The following MYT1L variants were observed in gnomAD, a reference collection of about 807,000 sequenced individuals.
MYT1L encodes the protein myelin transcription factor 1 like, also known as myelin transcription factor 1-like protein.
A neutral mutation model predicts 126.7 loss-of-function variants in MYT1L; 12 were observed. The observed-to-expected ratio is 0.09, with a 90% confidence interval of 0.06 to 0.15. The LOEUF is 0.15. MYT1L is among the 10% of genes least tolerant of loss of function. The pLI, the probability that MYT1L is intolerant of heterozygous loss-of-function variation, is 1.00. For synonymous variants in MYT1L, 541 were observed against 604.2 expected (o/e 0.90, Z 1.53); for missense variants, 979 against 1,585.2 (o/e 0.62, Z 6.49).
chr2:2,284,952 G>A (rs912076072), intron 1 of MYT1L, among the ~76,000 whole-genome samples: 9 of 152,094 alleles, frequency 5.9e-5, no homozygotes, highest in South Asian at 2.1e-4. Context: ...TCCTGACCTC[G>A]GGATCCGCCC....
chr2:1,827,586 T>A (rs1223707410), intron 21 of MYT1L: 1 of 152,168 alleles, frequency 6.6e-6, no homozygotes, highest in African/African-American at 2.4e-5. Context: ...GGGCTCTGTC[T>A]ACGGCAGGGA....
chr2:2,214,780 G>A (rs1369034044), intron 2 of MYT1L, among the ~76,000 whole-genome samples: 2 of 152,118 alleles, frequency 1.3e-5, no homozygotes, highest in Non-Finnish European at 2.9e-5. Context: ...CGGTAACAAA[G>A]AATATCAGAG....
chr2:2,006,035 C>A (rs1383421255), intron 4 of MYT1L, among the ~76,000 whole-genome samples: 2 of 150,084 alleles, frequency 1.3e-5, no homozygotes, highest in South Asian at 2.1e-4. Context: ...TTCTTTCCTG[C>A]AGGTGTTCTT....
chr2:2,122,083 G>T (rs776912239), intron 3 of MYT1L, among the ~76,000 whole-genome samples: 1 of 152,174 alleles, frequency 6.6e-6, no homozygotes, highest in Non-Finnish European at 1.5e-5. Context: ...TGATGTGCAC[G>T]TGGACCTGAT....
At chr2:1,980,686 C>T (rs755386925) in intron 5 of MYT1L, among the ~76,000 whole-genome samples, 1 of 152,104 alleles carries the variant, frequency 6.6e-6, no homozygotes, top group Non-Finnish European at 1.5e-5. Flanking sequence ...ACCTGAGTTA[C>T]CCAAGATGGT....
At chr2:2,021,052 G>C (rs1164887125) in intron 4 of MYT1L, among the ~76,000 whole-genome samples, 1 of 152,220 alleles carries the variant, frequency 6.6e-6, no homozygotes, top group Non-Finnish European at 1.5e-5. Context: ...GCAGACACCT[G>C]AGAAGAGAAC....
At chr2:2,037,254 C>A (rs1449034184) in intron 4 of MYT1L, among the ~76,000 whole-genome samples, 4 of 152,152 alleles carry the variant, frequency 2.6e-5, no homozygotes, top group East Asian at 1.9e-4. Context: ...TTCTGCCAAC[C>A]TTTCTAAGTT....
chr2:2,161,633 A>G (rs1027814617), intron 3 of MYT1L, among the ~76,000 whole-genome samples: 1 of 152,200 alleles, frequency 6.6e-6, no homozygotes, highest in Non-Finnish European at 1.5e-5. Flanking sequence ...TCAGTTGACA[A>G]AATTAAATGA....
intron 9 of MYT1L, among the ~76,000 whole-genome samples, chr2:1,942,743 A>G (rs185036979): frequency 6.6e-6 from 1 of 152,346 alleles, no homozygotes; most frequent in East Asian, 1.9e-4. Context: ...ATATCTCAGT[A>G]AATTACTGAC....
At chr2:2,157,309 AGTTT>A (rs995066756) in intron 3 of MYT1L, among the ~76,000 whole-genome samples, 7 of 152,348 alleles carry the variant, frequency 4.6e-5, no homozygotes, top group African/African-American at 1.2e-4. Flanking sequence ...TTGCTTCATT[AGTTT>A]AACAATGACA....
intron 14 of MYT1L, among the ~76,000 whole-genome samples, chr2:1,893,274 T>G (rs1049567815): frequency 1.3e-5 from 2 of 152,256 alleles, no homozygotes; most frequent in African/African-American, 4.8e-5. Flanking sequence ...TGCCAGTTAA[T>G]GTCACAGGAC....
At chr2:1,898,233 A>G (rs2049878941) in intron 14 of MYT1L, among the ~76,000 whole-genome samples, 1 of 152,208 alleles carries the variant, frequency 6.6e-6, no homozygotes, top group Non-Finnish European at 1.5e-5. Context: ...CAATCACAAG[A>G]TGTCCATCAT....
chr2:2,204,221 A>T (rs953437118), intron 2 of MYT1L, among the ~76,000 whole-genome samples: 2 of 152,224 alleles, frequency 1.3e-5, no homozygotes, highest in African/African-American at 4.8e-5. Context: ...CATGTCTAAA[A>T]CACCAAAAGC....
chr2:2,016,025 C>T (rs1056289489), intron 4 of MYT1L, among the ~76,000 whole-genome samples: 7 of 152,222 alleles, frequency 4.6e-5, no homozygotes, highest in African/African-American at 7.2e-5. Flanking sequence ...ACACACCATC[C>T]ACTGTTTTCT....
chr2:2,244,159 C>A (rs1013851150), intron 2 of MYT1L, among the ~76,000 whole-genome samples: 1 of 152,168 alleles, frequency 6.6e-6, no homozygotes, highest in African/African-American at 2.4e-5. Context: ...ACTACACACA[C>A]CTGCTTTTAT....
At chr2:2,143,353 G>C (rs1296258125) in intron 3 of MYT1L, among the ~76,000 whole-genome samples, 1 of 150,982 alleles carries the variant, frequency 6.6e-6, no homozygotes, top group Admixed American at 6.6e-5. Flanking sequence ...GAATGCCCTA[G>C]AAAAACAGGA....
intron 2 of MYT1L, among the ~76,000 whole-genome samples, chr2:2,240,281 G>A (rs1483965770): frequency 3.9e-5 from 6 of 151,968 alleles, no homozygotes; most frequent in Admixed American, 6.6e-5. Context: ...CAAAAAGAGC[G>A]AAACTCCGTC....
At chr2:2,312,616 T>C (rs538120072) in intron 1 of MYT1L, among the ~76,000 whole-genome samples, 79 of 152,126 alleles carry the variant, frequency 5.2e-4, no homozygotes, top group African/African-American at 1.9e-3. Flanking sequence ...AAAAAGAATA[T>C]AACACTTCTG....
At position 2,224,182 on chromosome 2, in the gene MYT1L, A is replaced by ATCT. The variant is rs2093952855; in HGVS notation, c.-420-51197_-420-51195dup. The stretch of plus-strand genomic sequence containing the variant: ...TTTGGTCAATTTGTATGTGAACAGG[A>ATCT]TCTTCTGCCTTTCTTATAGGGAAGA... On this transcript the variant is annotated intron_variant, in intron 2 of 24. Transcript: ENST00000647738. The surrounding 1 kb of genome is among the most constrained non-coding windows in gnomAD (Gnocchi z 4.0). Among the ~76,000 whole-genome samples the ATCT allele has an allele frequency of 6.6e-6, 1 of 152,158 alleles. No homozygotes were observed. The highest frequency in any genetic ancestry group is 2.4e-5 in the African/African-American group (1 of 41,440).
Sources: gnomAD v4.1 joint callset for allele counts (sites outside exome capture counted in the v4.1 genomes callset) on GRCh38, gnomAD v4.1.1 for gene constraint, Gnocchi (gnomAD v3.1) non-coding constraint, MANE v1.5 for transcripts, NCBI Gene and HGNC (gene_info 2026-07-23, HGNC 2026-07-21) for gene names.